The following NF1 variants were observed in gnomAD, a reference collection of about 807,000 sequenced individuals.
NF1 encodes the protein neurofibromin 1, also known as neurofibromin.
Under a neutral mutation model 325.7 loss-of-function variants are expected in NF1, and 122 were observed. The ratio of observed to expected loss-of-function variants is 0.37; its 90% CI spans 0.32 to 0.44. The LOEUF (loss-of-function observed/expected upper bound fraction) is 0.44, where lower values mean the gene tolerates loss of function less well. Ranked by LOEUF, NF1 falls within the 20% of genes least tolerant of loss-of-function variation. NF1 has a pLI of 1.00. For missense variants in NF1, 2,140 were observed against 3,415.4 expected, an observed-to-expected ratio of 0.63 and a Z score of 9.31; for synonymous variants, 1,091 against 1,186.0, an observed-to-expected ratio of 0.92 and a Z score of 1.65.
intron 27 of NF1, among the ~76,000 whole-genome samples, chr17:31,234,692 AAAAAG>A: frequency 6.6e-6 from 1 of 151,470 alleles, no homozygotes; most frequent in African/African-American, 2.4e-5. Flanking sequence ...AAAAAAAAAA[AAAAAG>A]AATCATTTAG....
intron 1 of NF1, among the ~76,000 whole-genome samples, chr17:31,130,191 C>T (rs956575116): frequency 5.9e-5 from 9 of 151,816 alleles, no homozygotes; most frequent in African/African-American, 1.5e-4. Context: ...TCAGGACTCC[C>T]GGAGTACATG....
At chr17:31,303,953 A>G in intron 36 of NF1, 1 of 186,684 alleles carries the variant, frequency 5.4e-6, no homozygotes, top group East Asian at 1.4e-4. Context: ...TTTCAGGGGA[A>G]AAAAAACTGT....
chr17:31,296,116 GTTA>G, intron 36 of NF1: 4 of 1,611,490 alleles, frequency 2.5e-6, no homozygotes, highest in Non-Finnish European at 3.4e-6. Context: ...GGGTTAACTG[GTTA>G]TGCAGATCAG....
chr17:31,138,203 TTTG>T (rs1318878904), intron 1 of NF1: 1 of 152,158 alleles, frequency 6.6e-6, no homozygotes, highest in Non-Finnish European at 1.5e-5. Flanking sequence ...TGGTCTTTCT[TTTG>T]TTCTTTTTTT....
chr17:31,370,887 A>G (rs2070623723), intron 57 of NF1, among the ~76,000 whole-genome samples: 1 of 152,152 alleles, frequency 6.6e-6, no homozygotes, highest in Non-Finnish European at 1.5e-5. Flanking sequence ...TTTTGCCTGA[A>G]TCTTATTTTC....
intron 33 of NF1, among the ~76,000 whole-genome samples, chr17:31,259,789 C>T (rs2151463796): frequency 6.6e-6 from 1 of 152,304 alleles, no homozygotes; most frequent in South Asian, 2.1e-4. Context: ...TTCTGCTTTT[C>T]ATGCAGTGTG....
At chr17:31,265,098 C>G in intron 35 of NF1, 131 bp from the exon 36 acceptor site, 1 of 663,692 alleles carries the variant, frequency 1.5e-6, no homozygotes, top group Non-Finnish European at 2.5e-6. Context: ...GCCAAATTAC[C>G]CTTTAGAATG....
chr17:31,127,891 C>T (rs1307687069), intron 1 of NF1, among the ~76,000 whole-genome samples: 2 of 151,854 alleles, frequency 1.3e-5, no homozygotes, highest in South Asian at 2.1e-4. Flanking sequence ...GGGGAGATGA[C>T]ATTGGGAAGC....
At chr17:31,357,246 T>A (rs2070294966) in intron 53 of NF1, 23 bp from the exon 54 acceptor site, 1 of 1,608,436 alleles carries the variant, frequency 6.2e-7, no homozygotes, top group Non-Finnish European at 8.5e-7. Context: ...ATGTTGTGTG[T>A]TTACTTTTTT....
intron 5 of NF1, among the ~76,000 whole-genome samples, chr17:31,173,687 T>C (rs2065971107): frequency 6.6e-6 from 1 of 151,702 alleles, no homozygotes; most frequent in South Asian, 2.1e-4. Flanking sequence ...TATTACAGAA[T>C]AAGCTGGTTA....
At chr17:31,351,792 AG>A (rs1258285253) in intron 50 of NF1, among the ~76,000 whole-genome samples, 1 of 152,200 alleles carries the variant, frequency 6.6e-6, no homozygotes, top group Admixed American at 6.5e-5. Context: ...CACGCAGCCC[AG>A]GATGGCTTTG....
At position 31,264,179 on chromosome 17, in the gene NF1, A is replaced by C. The variant is rs543699466; in HGVS notation, c.4725-1050A>C. ...TTTGGGAGGCCGAGGTGGGTAGATC[A>C]CCTGAGGTCAGGAGTTCGAGGCAAG... On this transcript the variant is annotated intron_variant, in intron 35 of 57. Coordinates refer to ENST00000358273, the MANE Select transcript of NF1 (RefSeq NM_001042492.3). Among the ~76,000 whole-genome samples, 5 of 152,262 alleles carry C rather than the reference A, an allele frequency of 3.3e-5. No individual in the cohort carries two copies. The South Asian group carries it at 1.0e-3, about 32-fold the overall frequency.
intron 36 of NF1, chr17:31,296,241 T>C: frequency 1.9e-6 from 3 of 1,614,114 alleles, no homozygotes; most frequent in South Asian, 1.1e-5. Context: ...TCTGTGCATA[T>C]ACATTGGAGA....
In NF1 at chr17:31,226,545, G is replaced by A. The variant is rs2151425805; in HGVS notation, c.2112G>A (p.Leu704=). 1 of 1,613,896 alleles carries A rather than the reference G, an allele frequency of 6.2e-7. No individual in the cohort carries two copies. Among genetic ancestry groups the A allele is most frequent in the Non-Finnish European group, 8.5e-7 (1 of 1,179,814 alleles). ...GGAACCCTGACACTGAAGCTGTTCT[G>A]GTTGCCATGTCCTGTTTCCGCCACC... ...FLWNPDTEAV[L]VAMSCFRHLC... The change falls in exon 18 of 58, where the codon CTG becomes CTA. Residue 704 remains leucine (L), a synonymous_variant. Coordinates refer to ENST00000358273, the MANE Select transcript of NF1 (RefSeq NM_001042492.3).
At chr17:31,317,467 CTTG>C (rs2069053792) in intron 36 of NF1, 2 of 151,502 alleles carry the variant, frequency 1.3e-5, no homozygotes, top group African/African-American at 2.4e-5. Context: ...ACCTTTGGTA[CTTG>C]TTGTTAATGT....
chr17:31,172,198 G>A (rs1271379348), intron 5 of NF1, among the ~76,000 whole-genome samples: 3 of 152,190 alleles, frequency 2.0e-5, no homozygotes. Context: ...GTGCTGACAC[G>A]CACCTGTAGT....
intron 12 of NF1, 133 bp downstream of exon 12, chr17:31,206,504 A>G (rs894708285): frequency 7.6e-6 from 8 of 1,053,114 alleles, no homozygotes; most frequent in Admixed American, 1.9e-5. Context: ...ATGTTGTGGT[A>G]TGTTGTATCT....
At chr17:31,312,558 C>T (rs1200967837) in intron 36 of NF1, among the ~76,000 whole-genome samples, 1 of 147,542 alleles carries the variant, frequency 6.8e-6, no homozygotes, top group African/African-American at 2.5e-5. Context: ...ATGACAAAAA[C>T]ACACCATAAG....
chr17:31,227,416 A>G (rs1346402874), intron 19 of NF1, 107 bp from the exon 20 acceptor site: 5 of 1,395,884 alleles, frequency 3.6e-6, no homozygotes, highest in Non-Finnish European at 4.1e-6. Flanking sequence ...TATTACAAGT[A>G]TAATATCTGA....
Sources: gnomAD v4.1 joint callset for allele counts (sites outside exome capture counted in the v4.1 genomes callset) on GRCh38, gnomAD v4.1.1 for gene constraint, MANE v1.5 for transcripts, NCBI Gene and HGNC (gene_info 2026-07-23, HGNC 2026-07-21) for gene names.